PARVA: variants seen among roughly 807,000 people sequenced by gnomAD.
The protein encoded by PARVA is parvin alpha.
Under a neutral mutation model 52.6 loss-of-function variants are expected in PARVA, and 25 were observed. The observed-to-expected ratio is 0.48, with a 90% confidence interval of 0.35 to 0.66. The LOEUF is 0.66. Among genes scored for constraint, PARVA ranks in the 30% least tolerant of loss-of-function variants. PARVA has a pLI of 0.01. For missense variants in PARVA, 373 were observed against 450.9 expected, an observed-to-expected ratio of 0.83 and a Z score of 1.56; for synonymous variants, 185 against 179.1, an observed-to-expected ratio of 1.03 and a Z score of -0.26.
intron 1 of PARVA, among the ~76,000 whole-genome samples, chr11:12,403,200 C>T (rs1047229924): frequency 2.0e-5 from 3 of 152,226 alleles, no homozygotes; most frequent in Non-Finnish European, 2.9e-5. Flanking sequence ...TTGTATTTAA[C>T]CCACTCCTGT....
intron 5 of PARVA, among the ~76,000 whole-genome samples, chr11:12,500,320 C>G (rs1941348775): frequency 6.6e-6 from 1 of 152,120 alleles, no homozygotes; most frequent in South Asian, 2.1e-4. Context: ...CCCATATGTT[C>G]CCTCCTGACT....
At chr11:12,433,221 C>T (rs919354759) in intron 1 of PARVA, among the ~76,000 whole-genome samples, 23 of 152,144 alleles carry the variant, frequency 1.5e-4, no homozygotes, top group African/African-American at 5.6e-4. Flanking sequence ...TTATCATTAG[C>T]TCCCCACCCA....
chr11:12,417,575 A>C (rs1292463944), intron 1 of PARVA, among the ~76,000 whole-genome samples: 1 of 152,196 alleles, frequency 6.6e-6, no homozygotes, highest in Non-Finnish European at 1.5e-5. Context: ...TTCTACCATG[A>C]ATATGTATTA....
intron 1 of PARVA, among the ~76,000 whole-genome samples, chr11:12,389,752 A>G (rs1299411205): frequency 6.6e-6 from 1 of 152,176 alleles, no homozygotes; most frequent in Non-Finnish European, 1.5e-5. Flanking sequence ...TACCTGCATT[A>G]GAAGTCAGTA....
chr11:12,521,591 C>T (rs1413010076), intron 12 of PARVA, among the ~76,000 whole-genome samples: 3 of 152,182 alleles, frequency 2.0e-5, no homozygotes, highest in Admixed American at 6.5e-5. Flanking sequence ...TCCTAATCCT[C>T]GGTACCTGTT....
intron 1 of PARVA, among the ~76,000 whole-genome samples, chr11:12,391,818 G>A (rs1479577917): frequency 6.6e-6 from 1 of 152,218 alleles, no homozygotes; most frequent in Non-Finnish European, 1.5e-5. Flanking sequence ...GTCCAGAGGA[G>A]AGGTGGTCTG....
chr11:12,456,228 T>C (rs1940692185), intron 1 of PARVA, among the ~76,000 whole-genome samples: 1 of 152,192 alleles, frequency 6.6e-6, no homozygotes. Context: ...AGTTAGAGGA[T>C]GCTTACGAAG....
At chr11:12,431,137 TA>T (rs1462957377) in intron 1 of PARVA, among the ~76,000 whole-genome samples, 2 of 152,202 alleles carry the variant, frequency 1.3e-5, no homozygotes, top group African/African-American at 4.8e-5. Flanking sequence ...CAGTGGTTGA[TA>T]AATAGCTGAT....
rs181643099 is a variant in PARVA, at chr11:12,400,780, T to C, written c.136+22997T>C. ...AGTGGAATTTCTGACATATTTTTGT[T>C]AATTATAGGGAAAGCAAGAAGAATA... On this transcript the variant is annotated intron_variant, in intron 1 of 12. Transcript: ENST00000334956. 4.7e-3 allele frequency among the ~76,000 whole-genome samples: 712 copies of C among 152,322 alleles called. 7 individuals are homozygous for C. The highest frequency in any genetic ancestry group is 9.1e-3 in the South Asian group (44 of 4,824).
intron 1 of PARVA, among the ~76,000 whole-genome samples, chr11:12,456,913 T>C (rs574002710): frequency 2.8e-4 from 43 of 152,330 alleles, no homozygotes; most frequent in African/African-American, 9.4e-4. Context: ...CAAATGCACA[T>C]TTAAATGAAT....
chr11:12,496,611 A>G lies in PARVA; in HGVS notation c.541+13A>G, dbSNP rs1007342123. The G allele has an allele frequency of 6.2e-7, 1 of 1,609,556 alleles. No homozygotes were observed. The highest frequency in any genetic ancestry group is 1.7e-5 in the Admixed American group (1 of 59,552). ...TGGAATGTGGATTGTGAGTTGAACA[A>G]AGGAAAGGGGCACCATTAAACAATG... On this transcript the variant is annotated intron_variant, in intron 5 of 12. Transcript: ENST00000334956.
intron 1 of PARVA, among the ~76,000 whole-genome samples, chr11:12,399,842 T>C (rs1939801112): frequency 6.6e-6 from 1 of 152,214 alleles, no homozygotes; most frequent in South Asian, 2.1e-4. Context: ...TCCCTCATTG[T>C]TGGAGCTTAG....
rs1179372172 is a variant in PARVA at position 12,530,718 on chromosome 11, G to GT, written c.*2799dup. On this transcript the variant is annotated 3_prime_UTR_variant, in exon 13 of 13. Coordinates refer to ENST00000334956, the MANE Select transcript of PARVA (RefSeq NM_018222.5). ...TGTCATCTATACTGTCATACACTTT[G>GT]TTTTTTATCACTTAATGTTATATCT... is the stretch of plus-strand genomic sequence containing the variant. The GT allele has an allele frequency of 1.1e-5, 1 of 94,226 alleles. No homozygotes were observed. Among genetic ancestry groups the GT allele is most frequent in the Non-Finnish European group, 2.6e-5 (1 of 38,280 alleles). 5.8% of individuals were successfully genotyped at this position (94,226 alleles called of 1,614,324 possible).
intron 4 of PARVA, among the ~76,000 whole-genome samples, chr11:12,494,514 A>G (rs1941272912): frequency 6.6e-6 from 1 of 152,200 alleles, no homozygotes; most frequent in African/African-American, 2.4e-5. Flanking sequence ...GAGCTTTTTC[A>G]GGAACTGGGG....
At chr11:12,450,003 C>G (rs1431463361) in intron 1 of PARVA, among the ~76,000 whole-genome samples, 2 of 152,188 alleles carry the variant, frequency 1.3e-5, no homozygotes, top group African/African-American at 4.8e-5. Flanking sequence ...TTGTTCCAAA[C>G]CCTTCCTGCA....
At chr11:12,440,397 C>A (rs7127270) in intron 1 of PARVA, among the ~76,000 whole-genome samples, 1 of 152,174 alleles carries the variant, frequency 6.6e-6, no homozygotes, top group Non-Finnish European at 1.5e-5. Flanking sequence ...GACTTCTCTC[C>A]TTCCCACTGG....
intron 4 of PARVA, among the ~76,000 whole-genome samples, chr11:12,491,934 A>T (rs148123196): frequency 6.6e-6 from 1 of 152,344 alleles, no homozygotes; most frequent in African/African-American, 2.4e-5. Context: ...CCCATAAAGC[A>T]AATCTCAACA....
At chr11:12,473,892 G>C in intron 2 of PARVA, 21 bp from the exon 3 acceptor site, 1 of 1,566,980 alleles carries the variant, frequency 6.4e-7, no homozygotes, top group Non-Finnish European at 8.7e-7. Flanking sequence ...CACCCCCACT[G>C]AATTCCTTTT....
chr11:12,420,868 C>T (rs929069817), intron 1 of PARVA, among the ~76,000 whole-genome samples: 7 of 152,082 alleles, frequency 4.6e-5, no homozygotes, highest in Admixed American at 4.6e-4. Flanking sequence ...CATTCAAGTC[C>T]AGGCGGTAGA....
Sources: gnomAD v4.1 joint callset for allele counts (sites outside exome capture counted in the v4.1 genomes callset) on GRCh38, gnomAD v4.1.1 for gene constraint, MANE v1.5 for transcripts, NCBI Gene and HGNC (gene_info 2026-07-23, HGNC 2026-07-21) for gene names.